RABL3: variants seen among roughly 807,000 people sequenced by gnomAD.
RABL3 encodes the protein RAB, member of RAS oncogene family like 3.
RABL3 carries 31 observed loss-of-function variants against 31.8 expected under a neutral mutation model. That is an observed-to-expected ratio of 0.97 (90% CI 0.73 to 1.31). The LOEUF (loss-of-function observed/expected upper bound fraction) is 1.31. Ranked by LOEUF, RABL3 falls within the 40% of genes most tolerant of loss-of-function variation. The pLI is 0.00. For missense variants in RABL3, 263 were observed against 279.6 expected (o/e 0.94, Z 0.42); for synonymous variants, 97 against 99.9 (o/e 0.97, Z 0.18).
chr3:120,713,500 A>T (rs1268168031), intron 2 of RABL3, among the ~76,000 whole-genome samples: 1 of 152,246 alleles, frequency 6.6e-6, no homozygotes, highest in African/African-American at 2.4e-5. Flanking sequence ...TGCTATACTG[A>T]GAACCCAACA....
chr3:120,713,267 C>T (rs1313770536), intron 2 of RABL3, among the ~76,000 whole-genome samples: 1 of 152,160 alleles, frequency 6.6e-6, no homozygotes, highest in African/African-American at 2.4e-5. Flanking sequence ...CAAATCCTTT[C>T]CTGTTTCCTT....
chr3:120,729,209 A>G (rs1301926345), intron 2 of RABL3, among the ~76,000 whole-genome samples: 1 of 152,172 alleles, frequency 6.6e-6, no homozygotes, highest in Non-Finnish European at 1.5e-5. Flanking sequence ...TCCACAAGAA[A>G]TGGAAACTAT....
chr3:120,733,590 T>C (rs1214544425), intron 1 of RABL3, among the ~76,000 whole-genome samples: 1 of 152,258 alleles, frequency 6.6e-6, no homozygotes, highest in African/African-American at 2.4e-5. Context: ...TTGGCTTTTG[T>C]TGCCATTGCT....
rs146828954 is a variant in RABL3 at position 120,693,437 on chromosome 3, T to C, written c.606+716A>G. Among the ~76,000 whole-genome samples the C allele has an allele frequency of 2.4e-3, 359 of 152,224 alleles. 3 individuals carry two copies. Among genetic ancestry groups the C allele is most frequent in the African/African-American group, 8.1e-3 (337 of 41,534 alleles). On this transcript the variant is annotated intron_variant, in intron 6 of 7. Coordinates refer to ENST00000273375, the MANE Select transcript of RABL3 (RefSeq NM_173825.5). ...AGGAGATGTCACTTAAAAAGAAATATAACACAGGAATTAACCTTTTTCAAT... is the reference window on the plus strand; with the variant it reads ...AGGAGATGTCACTTAAAAAGAAATACAACACAGGAATTAACCTTTTTCAAT...
At chr3:120,691,537 A>C (rs979910894) in intron 6 of RABL3, among the ~76,000 whole-genome samples, 1 of 152,252 alleles carries the variant, frequency 6.6e-6, no homozygotes, top group Non-Finnish European at 1.5e-5. Context: ...CTGTAGGCTA[A>C]CATAAGTGTT....
At chr3:120,692,491 C>A (rs1295512841) in intron 6 of RABL3, among the ~76,000 whole-genome samples, 1 of 152,168 alleles carries the variant, frequency 6.6e-6, no homozygotes, top group East Asian at 1.9e-4. Flanking sequence ...AGGCACCGTG[C>A]CCGGCTGGAG....
intron 2 of RABL3, among the ~76,000 whole-genome samples, chr3:120,726,421 T>TG (rs1708821746): frequency 6.6e-6 from 1 of 152,040 alleles, no homozygotes; most frequent in Admixed American, 6.6e-5. Context: ...GCCTAGGAGT[T>TG]GGAGACTAGG....
chr3:120,694,058 G>C lies in RABL3; in HGVS notation c.606+95C>G, dbSNP rs951275264. The C allele has an allele frequency of 8.3e-5, 60 of 725,874 alleles. No homozygotes were observed. In the East Asian group the frequency reaches 1.0e-3, roughly 13 times the overall value. 45.0% of individuals were successfully genotyped at this position (725,874 alleles called of 1,614,324 possible). A position where few individuals can be genotyped will look rare whatever the true frequency, so the allele number is the denominator to read the frequency against. On this transcript the variant is annotated intron_variant, in intron 6 of 7. Coordinates refer to ENST00000273375, the MANE Select transcript of RABL3 (RefSeq NM_173825.5). ...GATTATTCCAGGCTGTGAAGTTTTG[G>C]ACAAAAAAATAAAGGTCATAGGATT...
chr3:120,714,484 T>C (rs907599884), intron 2 of RABL3, among the ~76,000 whole-genome samples: 2 of 152,228 alleles, frequency 1.3e-5, no homozygotes, highest in Non-Finnish European at 2.9e-5. Flanking sequence ...TACTGCTCTT[T>C]TGCCTTCAGT....
chr3:120,726,455 A>G (rs1708821944), intron 2 of RABL3, among the ~76,000 whole-genome samples: 1 of 152,104 alleles, frequency 6.6e-6, no homozygotes, highest in South Asian at 2.1e-4. Context: ...GTGCAACCCC[A>G]TCTGTATAAA....
At chr3:120,721,684 C>G (rs528306282) in intron 2 of RABL3, among the ~76,000 whole-genome samples, 1 of 152,278 alleles carries the variant, frequency 6.6e-6, no homozygotes, top group South Asian at 2.1e-4. Context: ...AAAGCAAGTC[C>G]TTAGAGACCT....
chr3:120,687,214 T>C lies in RABL3; in HGVS notation c.*2609A>G, dbSNP rs933908760. 6.6e-6 allele frequency: 1 copy of C among 152,088 alleles called. No homozygotes were observed. Among genetic ancestry groups the C allele is most frequent in the African/African-American group, 2.4e-5 (1 of 41,382 alleles). 9.4% of individuals were successfully genotyped at this position (152,088 alleles called of 1,614,324 possible). A position where few individuals can be genotyped will look rare whatever the true frequency, so the allele number is the denominator to read the frequency against. ...CCTTCACAATGAGTCAGAAAATTGGTCAGACACCGAAATCACAACAGAAAA... is the reference window on the plus strand; with the variant it reads ...CCTTCACAATGAGTCAGAAAATTGGCCAGACACCGAAATCACAACAGAAAA... On this transcript the variant is annotated 3_prime_UTR_variant, in exon 8 of 8. Coordinates refer to ENST00000273375, the MANE Select transcript of RABL3 (RefSeq NM_173825.5).
At chr3:120,733,076 C>T (rs571716780) in intron 1 of RABL3, among the ~76,000 whole-genome samples, 15 of 152,058 alleles carry the variant, frequency 9.9e-5, no homozygotes, top group Non-Finnish European at 2.1e-4. Context: ...GGGTATATAC[C>T]CAGTAACGGG....
chr3:120,716,216 T>C (rs1406893104), intron 2 of RABL3, among the ~76,000 whole-genome samples: 1 of 152,240 alleles, frequency 6.6e-6, no homozygotes, highest in Non-Finnish European at 1.5e-5. Context: ...AATTCTAAAT[T>C]CATTAAGTCT....
Position 120,704,503 on chromosome 3 carries a change from T to C in RABL3, c.383+1497A>G, listed in dbSNP as rs193185567. On this transcript the variant is annotated intron_variant, in intron 4 of 7. Transcript: ENST00000273375. ...TGAAATGAATGCTTTCCCCCTAAGA[T>C]TGGAGTAAGACATAGATATTCACTC... 5.3e-5 allele frequency among the ~76,000 whole-genome samples: 8 copies of C among 152,334 alleles called. No individual in the cohort carries two copies. In the East Asian group the frequency reaches 1.2e-3, roughly 22 times the overall value.
chr3:120,734,199 A>G (rs6805585), intron 1 of RABL3, among the ~76,000 whole-genome samples: 134,893 of 152,256 alleles, frequency 0.89, 60,067 homozygotes, highest in East Asian at 1. Flanking sequence ...TCTTCCAATT[A>G]TTTGTGTCCT....
chr3:120,710,226 C>T (rs965796277), intron 2 of RABL3: 2 of 178,068 alleles, frequency 1.1e-5, no homozygotes, highest in Admixed American at 1.1e-4. Context: ...GACAAAATTC[C>T]ACTCTTGGTT....
chr3:120,740,689 G>T (rs1709030543), intron 1 of RABL3, among the ~76,000 whole-genome samples: 1 of 152,218 alleles, frequency 6.6e-6, no homozygotes, highest in Non-Finnish European at 1.5e-5. Flanking sequence ...TAAACTGTCA[G>T]ACTGTGTACT....
intron 2 of RABL3, among the ~76,000 whole-genome samples, chr3:120,718,485 C>T (rs1708696666): frequency 6.6e-6 from 1 of 152,202 alleles, no homozygotes; most frequent in Non-Finnish European, 1.5e-5. Context: ...TAAGTCCTGT[C>T]ATTAAACACT....
Sources: gnomAD v4.1 joint callset for allele counts (sites outside exome capture counted in the v4.1 genomes callset) on GRCh38, gnomAD v4.1.1 for gene constraint, MANE v1.5 for transcripts, NCBI Gene and HGNC (gene_info 2026-07-23, HGNC 2026-07-21) for gene names.